ADAMTS12: variants seen among roughly 807,000 people sequenced by gnomAD.
ADAMTS12 encodes the protein A disintegrin and metalloproteinase with thrombospondin motifs 12.
In ADAMTS12, 118 loss-of-function variants were observed where a neutral mutation model predicts 167.8. That is an observed-to-expected ratio of 0.70 (90% CI 0.61 to 0.82). The LOEUF is 0.82. ADAMTS12 is among the 40% of genes least tolerant of loss of function. The pLI is 0.00. For synonymous variants in ADAMTS12, 704 were observed against 716.9 expected, an observed-to-expected ratio of 0.98 and a Z score of 0.29; for missense variants, 1,916 against 1,998.8, an observed-to-expected ratio of 0.96 and a Z score of 0.79.
At chr5:33,883,664 A>G (rs1750536183) in intron 1 of ADAMTS12, among the ~76,000 whole-genome samples, 1 of 152,244 alleles carries the variant, frequency 6.6e-6, no homozygotes, top group Non-Finnish European at 1.5e-5. Flanking sequence ...AACACACTGG[A>G]ACAAGAAATA....
Position 33,761,204 on chromosome 5 carries a change from G to A in ADAMTS12, c.490-9656C>T, listed in dbSNP as rs531646140. On this transcript the variant is annotated intron_variant, in intron 2 of 23. Coordinates refer to ENST00000504830, the MANE Select transcript of ADAMTS12 (RefSeq NM_030955.4). ...AACCAGAAACCATCCTTCACCGGAA[G>A]GACATAAAGCCTTTCCGAGGCTGGG... 9.3e-4 allele frequency among the ~76,000 whole-genome samples: 142 copies of A among 152,372 alleles called. 1 individual carries two copies. In the South Asian group the frequency reaches 0.01, roughly 11 times the overall value.
chr5:33,562,239 T>A (rs1255040329), intron 19 of ADAMTS12, among the ~76,000 whole-genome samples: 2 of 152,202 alleles, frequency 1.3e-5, no homozygotes, highest in Admixed American at 6.5e-5. Context: ...TACAGCATGA[T>A]GCTTTTCATC....
chr5:33,623,601 G>T (rs192508191), intron 14 of ADAMTS12, among the ~76,000 whole-genome samples: 100 of 152,362 alleles, frequency 6.6e-4, no homozygotes, highest in African/African-American at 2.3e-3. Context: ...TATGGGAAAA[G>T]AATAGTAAAG....
chr5:33,628,787 T>C (rs1252377414), intron 13 of ADAMTS12, among the ~76,000 whole-genome samples: 1 of 152,178 alleles, frequency 6.6e-6, no homozygotes, highest in African/African-American at 2.4e-5. Flanking sequence ...CTATTAAGCA[T>C]ATTTGATTTG....
chr5:33,580,424 G>A (rs914811017), intron 18 of ADAMTS12, among the ~76,000 whole-genome samples: 5 of 149,234 alleles, frequency 3.4e-5, no homozygotes, highest in African/African-American at 4.9e-5. Context: ...AGAACAGCAC[G>A]GGGGAACAGC....
chr5:33,638,588 C>A (rs1432489120), intron 11 of ADAMTS12, among the ~76,000 whole-genome samples: 1 of 152,180 alleles, frequency 6.6e-6, no homozygotes, highest in Non-Finnish European at 1.5e-5. Flanking sequence ...ACCTCCTTCA[C>A]GAATCCTTCC....
Position 33,588,773 on chromosome 5 carries a change from T to C in ADAMTS12, c.2691A>G (p.Thr897=), listed in dbSNP as rs1356166538. The change falls in exon 18 of 24, where the codon ACA becomes ACG. Residue 897 remains threonine (T), a synonymous_variant. Coordinates refer to ENST00000504830, the MANE Select transcript of ADAMTS12 (RefSeq NM_030955.4). ...GCTTCTTCTCCCCGTGGGGCCCGCA[T>C]GTCGCCGAGCATGCTTCCCACTCCC... ...WAGEWEACSA[T]CGPHGEKKRT... is the part of the protein sequence containing the mutation. 1.9e-6 allele frequency: 3 copies of C among 1,613,802 alleles called. No homozygotes were observed. Among genetic ancestry groups the C allele is most frequent in the African/African-American group, 2.7e-5 (2 of 74,928 alleles).
chr5:33,807,237 A>AT (rs1242581098), intron 2 of ADAMTS12, among the ~76,000 whole-genome samples: 6 of 152,192 alleles, frequency 3.9e-5, no homozygotes, highest in Non-Finnish European at 1.5e-5. Context: ...CATTTTACAG[A>AT]TAAAAAAACT....
At chr5:33,765,085 C>T (rs1020986887) in intron 2 of ADAMTS12, among the ~76,000 whole-genome samples, 2 of 152,094 alleles carry the variant, frequency 1.3e-5, no homozygotes, top group African/African-American at 4.8e-5. Context: ...TTTTTCTTTT[C>T]CCAATGTTTT....
At position 33,526,912 on chromosome 5, in the gene ADAMTS12, G is replaced by A. The variant is rs1048949551; in HGVS notation, c.*276C>T. ...CAAAAATACAGTATTTCACAAATCT[G>A]TCTAACCTGGCACCTTTCCCAGGAG... On this transcript the variant is annotated 3_prime_UTR_variant, in exon 24 of 24. Coordinates refer to ENST00000504830, the MANE Select transcript of ADAMTS12 (RefSeq NM_030955.4). 1 of 411,442 alleles carries A rather than the reference G, an allele frequency of 2.4e-6. No individual in the cohort carries two copies. The highest frequency in any genetic ancestry group is 4.1e-5 in the East Asian group (1 of 24,234). 25.5% of individuals were successfully genotyped at this position (411,442 alleles called of 1,614,324 possible).
rs78707037 is a variant in ADAMTS12, at chr5:33,552,386, A to G, written c.4126-3003T>C. Reference sequence around the variant, plus strand: ...TCTAAGGCTCCATTTCTCCATTGGTATTCAAAAGAGGATAAACTAGATGAT... The same window carrying G: ...TCTAAGGCTCCATTTCTCCATTGGTGTTCAAAAGAGGATAAACTAGATGAT... On this transcript the variant is annotated intron_variant, in intron 20 of 23. Coordinates refer to ENST00000504830, the MANE Select transcript of ADAMTS12 (RefSeq NM_030955.4). 3.6e-3 allele frequency among the ~76,000 whole-genome samples: 542 copies of G among 152,318 alleles called. 5 individuals carry two copies. The highest frequency in any genetic ancestry group is 0.013 in the African/African-American group (531 of 41,574).
chr5:33,741,554 A>C (rs1744586672), intron 3 of ADAMTS12, among the ~76,000 whole-genome samples: 2 of 152,160 alleles, frequency 1.3e-5, no homozygotes, highest in Admixed American at 6.5e-5. Flanking sequence ...GACACCATTT[A>C]GCTCATAATG....
At chr5:33,632,264 T>G (rs11959436) in intron 12 of ADAMTS12, among the ~76,000 whole-genome samples, 119,384 of 151,576 alleles carry the variant, frequency 0.79, 48,480 homozygotes, top group Non-Finnish European at 0.89. Flanking sequence ...GTGGAAGGAG[T>G]TTGAGGGTTG....
At chr5:33,714,905 T>A (rs2112324230) in intron 3 of ADAMTS12, among the ~76,000 whole-genome samples, 1 of 152,176 alleles carries the variant, frequency 6.6e-6, no homozygotes, top group Admixed American at 6.5e-5. Flanking sequence ...TGACTACAGT[T>A]AAAAATAATT....
At chr5:33,588,094 T>A (rs1747446963) in intron 18 of ADAMTS12, among the ~76,000 whole-genome samples, 1 of 152,224 alleles carries the variant, frequency 6.6e-6, no homozygotes, top group Admixed American at 6.5e-5. Flanking sequence ...TTATCTGAAC[T>A]TGTGTGTCTG....
intron 12 of ADAMTS12, 111 bp from the exon 13 acceptor site, chr5:33,631,024 C>T: frequency 4.8e-6 from 6 of 1,246,608 alleles, no homozygotes; most frequent in Non-Finnish European, 5.6e-6. Flanking sequence ...CTGGCAATCC[C>T]ACCTTTTCAC....
chr5:33,771,964 C>T (rs545434649), intron 2 of ADAMTS12, among the ~76,000 whole-genome samples: 1 of 152,118 alleles, frequency 6.6e-6, no homozygotes, highest in African/African-American at 2.4e-5. Flanking sequence ...TCAAGCAAGC[C>T]TCCCACCTCA....
At chr5:33,557,004 A>G (rs71631082) in intron 20 of ADAMTS12, among the ~76,000 whole-genome samples, 4 of 152,166 alleles carry the variant, frequency 2.6e-5, no homozygotes, top group African/African-American at 9.7e-5. Context: ...GTAGTCATGA[A>G]CCTGACATAT....
chr5:33,678,400 T>C (rs1209765124), intron 5 of ADAMTS12, among the ~76,000 whole-genome samples: 2 of 152,192 alleles, frequency 1.3e-5, no homozygotes, highest in African/African-American at 2.4e-5. Flanking sequence ...TACATACTAA[T>C]TGAGGAAACG....
Sources: allele counts gnomAD v4.1 joint callset (sites outside exome capture counted in the v4.1 genomes callset), GRCh38; gene constraint gnomAD v4.1.1; transcripts MANE v1.5; gene names NCBI Gene and HGNC (gene_info 2026-07-23, HGNC 2026-07-21).